The following SNTG1 variants were observed in gnomAD, a reference collection of about 807,000 sequenced individuals.
SNTG1 encodes syntrophin gamma 1.
A neutral mutation model predicts 74.7 loss-of-function variants in SNTG1; 39 were observed. The observed-to-expected ratio is 0.52, with a 90% CI of 0.40 to 0.68. The LOEUF is 0.68. Ranked by LOEUF, SNTG1 falls within the 30% of genes least tolerant of loss-of-function variation. SNTG1 has a pLI of 0.00. For missense variants in SNTG1, 685 were observed against 609.5 expected, an observed-to-expected ratio of 1.12 and a Z score of -1.30; for synonymous variants, 254 against 217.1, an observed-to-expected ratio of 1.17 and a Z score of -1.49.
In SNTG1 at chr8:50,577,457, T is replaced by G. The variant is rs372341709; in HGVS notation, c.811-13422T>G. On this transcript the variant is annotated intron_variant, in intron 12 of 18. Coordinates refer to ENST00000642720, the MANE Select transcript of SNTG1 (RefSeq NM_018967.5). ...ATAATATTGGTCCATAGTTTTTTTT[T>G]TTTGTTTTTTTTTTTCTTCTGGTGT... Among the ~76,000 whole-genome samples, 216 of 151,636 alleles carry G rather than the reference T, an allele frequency of 1.4e-3. 1 individual carries two copies. Among genetic ancestry groups the G allele is most frequent in the African/African-American group, 4.6e-3 (189 of 41,454 alleles).
At chr8:50,693,594 C>G (rs919762012) in intron 15 of SNTG1, among the ~76,000 whole-genome samples, 1 of 152,092 alleles carries the variant, frequency 6.6e-6, no homozygotes, top group African/African-American at 2.4e-5. Context: ...TGGATTTGAA[C>G]AATGCGTTAG....
chr8:50,476,711 A>G (rs1386935673), intron 8 of SNTG1, among the ~76,000 whole-genome samples: 1 of 152,174 alleles, frequency 6.6e-6, no homozygotes, highest in African/African-American at 2.4e-5. Context: ...TCCCAGCTGG[A>G]GGGCTTAGAA....
chr8:49,947,755 T>C (rs1285665999), intron 1 of SNTG1, among the ~76,000 whole-genome samples: 1 of 152,158 alleles, frequency 6.6e-6, no homozygotes, highest in Non-Finnish European at 1.5e-5. Flanking sequence ...AGCTTAACAT[T>C]TTATAGGAAA....
intron 1 of SNTG1, among the ~76,000 whole-genome samples, chr8:50,102,905 T>C (rs2080200340): frequency 6.6e-6 from 1 of 150,478 alleles, no homozygotes; most frequent in South Asian, 2.1e-4. Flanking sequence ...CTCTGTTCTG[T>C]TCCATTGATC....
At chr8:50,438,270 T>C (rs1260756297) in intron 4 of SNTG1, among the ~76,000 whole-genome samples, 1 of 152,186 alleles carries the variant, frequency 6.6e-6, no homozygotes, top group Non-Finnish European at 1.5e-5. Context: ...GATTCCAAAA[T>C]ATGTCCAAAA....
chr8:49,969,386 TC>T (rs201800413), intron 1 of SNTG1, among the ~76,000 whole-genome samples: 5,472 of 34,008 alleles, frequency 0.16, 621 homozygotes, highest in Non-Finnish European at 0.34. Flanking sequence ...ATTCATTTAA[TC>T]TTTTTTTTTT....
intron 2 of SNTG1, among the ~76,000 whole-genome samples, chr8:50,331,629 T>C (rs1423039820): frequency 6.6e-6 from 1 of 152,110 alleles, no homozygotes; most frequent in Non-Finnish European, 1.5e-5. Context: ...TGGGTACTTA[T>C]GGACAATAGA....
chr8:50,144,128 C>T (rs528571357), intron 1 of SNTG1, among the ~76,000 whole-genome samples: 27 of 152,140 alleles, frequency 1.8e-4, no homozygotes, highest in South Asian at 6.2e-4. Context: ...AAATTTCATC[C>T]GATTGAATGA....
At chr8:50,673,039 C>CTATAT (rs1563726205) in intron 15 of SNTG1, among the ~76,000 whole-genome samples, 16 of 143,586 alleles carry the variant, frequency 1.1e-4, no homozygotes, top group East Asian at 2.1e-4. Flanking sequence ...TGTTCCATTG[C>CTATAT]CTGTTTTGAT....
intron 4 of SNTG1, among the ~76,000 whole-genome samples, chr8:50,411,318 G>A (rs2092945516): frequency 6.6e-6 from 1 of 151,742 alleles, no homozygotes; most frequent in East Asian, 2.0e-4. Context: ...CATGGTGGCG[G>A]GCGCCTGTAG....
chr8:50,488,161 A>G (rs2093815784), intron 8 of SNTG1, among the ~76,000 whole-genome samples: 1 of 152,188 alleles, frequency 6.6e-6, no homozygotes, highest in Non-Finnish European at 1.5e-5. Context: ...CTATAGATAA[A>G]GACGCATGAA....
chr8:50,120,457 T>C (rs754419131), intron 1 of SNTG1, among the ~76,000 whole-genome samples: 7 of 139,692 alleles, frequency 5.0e-5, no homozygotes, highest in Non-Finnish European at 7.9e-5. Flanking sequence ...ACTGAAACTA[T>C]TAACTATTAC....
At chr8:50,135,142 C>T (rs1018852342) in intron 1 of SNTG1, among the ~76,000 whole-genome samples, 1 of 152,102 alleles carries the variant, frequency 6.6e-6, no homozygotes, top group Non-Finnish European at 1.5e-5. Flanking sequence ...CAAAGCCCTA[C>T]CCCCTGTCAA....
chr8:50,555,500 A>C (rs2094450767), intron 12 of SNTG1, among the ~76,000 whole-genome samples: 1 of 152,196 alleles, frequency 6.6e-6, no homozygotes, highest in South Asian at 2.1e-4. Context: ...AAGAGTAGCT[A>C]GGAAAGTTTT....
At chr8:50,666,136 C>G (rs1310254228) in intron 15 of SNTG1, among the ~76,000 whole-genome samples, 1 of 152,056 alleles carries the variant, frequency 6.6e-6, no homozygotes, top group Non-Finnish European at 1.5e-5. Flanking sequence ...AGGAGAAAAC[C>G]AATGTAATCT....
intron 17 of SNTG1, among the ~76,000 whole-genome samples, chr8:50,719,757 A>C (rs1420941491): frequency 2.0e-5 from 3 of 152,214 alleles, no homozygotes; most frequent in Non-Finnish European, 2.9e-5. Flanking sequence ...CTATGATTAA[A>C]ATAAATATTG....
At chr8:49,990,513 T>C (rs1813577650) in intron 1 of SNTG1, among the ~76,000 whole-genome samples, 1 of 152,086 alleles carries the variant, frequency 6.6e-6, no homozygotes, top group Non-Finnish European at 1.5e-5. Context: ...TCACAATTTC[T>C]TACTTCTTGT....
chr8:50,312,410 AT>A (rs1367160104), intron 2 of SNTG1, among the ~76,000 whole-genome samples: 5 of 151,138 alleles, frequency 3.3e-5, no homozygotes, highest in Non-Finnish European at 7.4e-5. Flanking sequence ...TTTTGGTATA[AT>A]TTTTTAAAAT....
intron 15 of SNTG1, among the ~76,000 whole-genome samples, chr8:50,685,146 G>T (rs1024344287): frequency 3.3e-5 from 5 of 151,970 alleles, no homozygotes; most frequent in Admixed American, 2.6e-4. Flanking sequence ...TAAACAAAGG[G>T]GCATGTTAGA....
Sources: gnomAD v4.1 joint callset for allele counts (sites outside exome capture counted in the v4.1 genomes callset) on GRCh38, gnomAD v4.1.1 for gene constraint, MANE v1.5 for transcripts, NCBI Gene and HGNC (gene_info 2026-07-23, HGNC 2026-07-21) for gene names.